Variants in HPSE2 observed in about 807,000 individuals in gnomAD.
HPSE2 encodes the protein inactive heparanase-2.
A neutral mutation model predicts 60.5 loss-of-function variants in HPSE2; 38 were observed. The observed-to-expected ratio is 0.63, with a 90% CI of 0.48 to 0.82. The LOEUF (loss-of-function observed/expected upper bound fraction) is 0.82. Ranked by LOEUF, HPSE2 falls within the 40% of genes least tolerant of loss-of-function variation. HPSE2 has a pLI of 0.00. For synonymous variants in HPSE2, 295 were observed against 293.2 expected, an observed-to-expected ratio of 1.01 and a Z score of -0.06; for missense variants, 713 against 740.4, an observed-to-expected ratio of 0.96 and a Z score of 0.43.
chr10:99,210,987 T>A (rs988643128), intron 2 of HPSE2, among the ~76,000 whole-genome samples: 3 of 152,086 alleles, frequency 2.0e-5, no homozygotes, highest in Non-Finnish European at 4.4e-5. Context: ...TATCCCTCTT[T>A]CCAGACATAA....
chr10:99,108,000 T>C (rs1423925263), intron 3 of HPSE2, among the ~76,000 whole-genome samples: 2 of 152,196 alleles, frequency 1.3e-5, no homozygotes, highest in Non-Finnish European at 2.9e-5. Flanking sequence ...GCTTTTTCAA[T>C]TAGGATATAA....
At chr10:99,037,250 C>G (rs1393742232) in intron 3 of HPSE2, among the ~76,000 whole-genome samples, 2 of 152,044 alleles carry the variant, frequency 1.3e-5, no homozygotes, top group South Asian at 2.1e-4. Context: ...ATGTGGTATC[C>G]TGTATTAGAT....
At chr10:98,769,156 C>T (rs1007645573) in intron 3 of HPSE2, among the ~76,000 whole-genome samples, 24 of 152,070 alleles carry the variant, frequency 1.6e-4, no homozygotes, top group East Asian at 3.9e-4. Context: ...ATAAAGTATA[C>T]GCAAATTGAA....
intron 3 of HPSE2, among the ~76,000 whole-genome samples, chr10:98,778,301 C>G (rs1444662983): frequency 8.3e-4 from 27 of 32,604 alleles, no homozygotes; most frequent in Admixed American, 5.8e-3. Context: ...AGAGAGAAAG[C>G]AAGAAAGACC....
intron 9 of HPSE2, among the ~76,000 whole-genome samples, chr10:98,544,613 T>C (rs1943595120): frequency 7.0e-6 from 1 of 143,500 alleles, no homozygotes; most frequent in African/African-American, 2.6e-5. Context: ...CGCGGGAGGC[T>C]GAGGCAGGAG....
intron 2 of HPSE2, among the ~76,000 whole-genome samples, chr10:99,146,180 T>C (rs1846045641): frequency 6.6e-6 from 1 of 152,246 alleles, no homozygotes. Context: ...TAAATTACGT[T>C]CTATAAAATT....
At chr10:98,581,393 G>A (rs532840409) in intron 9 of HPSE2, among the ~76,000 whole-genome samples, 1 of 152,010 alleles carries the variant, frequency 6.6e-6, no homozygotes, top group Non-Finnish European at 1.5e-5. Flanking sequence ...AACTTAGTGT[G>A]GGCTTTAGAG....
intron 7 of HPSE2, among the ~76,000 whole-genome samples, chr10:98,629,296 CA>C (rs1565030226): frequency 6.6e-6 from 1 of 152,206 alleles, no homozygotes. Context: ...TCACGAAGAA[CA>C]GTAGCTCTTT....
chr10:98,614,026 A>G (rs1400440106), intron 9 of HPSE2, among the ~76,000 whole-genome samples: 3 of 152,030 alleles, frequency 2.0e-5, no homozygotes, highest in Non-Finnish European at 2.9e-5. Context: ...TCTTTCCTAG[A>G]TAAGTTGACG....
intron 3 of HPSE2, among the ~76,000 whole-genome samples, chr10:98,927,392 C>T (rs1482237597): frequency 2.6e-5 from 4 of 151,478 alleles, no homozygotes; most frequent in African/African-American, 9.7e-5. Flanking sequence ...GAATCAATAT[C>T]GTGAAAATGG....
At chr10:98,798,164 A>T (rs1170120570) in intron 3 of HPSE2, among the ~76,000 whole-genome samples, 1 of 152,098 alleles carries the variant, frequency 6.6e-6, no homozygotes, top group African/African-American at 2.4e-5. Context: ...GGAGAAGAGG[A>T]GCATGACATA....
chr10:98,798,514 A>G (rs1344084701), intron 3 of HPSE2, among the ~76,000 whole-genome samples: 3 of 152,242 alleles, frequency 2.0e-5, no homozygotes, highest in Non-Finnish European at 4.4e-5. Flanking sequence ...CAATAACTAC[A>G]ACAAATTTTC....
At chr10:98,852,114 TGTGTGTG>T (rs1952190254) in intron 3 of HPSE2, among the ~76,000 whole-genome samples, 2 of 46,602 alleles carry the variant, frequency 4.3e-5, no homozygotes, top group Non-Finnish European at 8.7e-5. Context: ...TATATTATGA[TGTGTGTG>T]TGTGTGTGTG....
At chr10:98,527,898 T>A in intron 9 of HPSE2, among the ~76,000 whole-genome samples, 1 of 152,122 alleles carries the variant, frequency 6.6e-6, no homozygotes, top group East Asian at 1.9e-4. Context: ...AGGGGGGATA[T>A]CTACAGCCAC....
chr10:98,661,780 C>T (rs1947230691), intron 6 of HPSE2, among the ~76,000 whole-genome samples: 1 of 152,132 alleles, frequency 6.6e-6, no homozygotes, highest in African/African-American at 2.4e-5. Context: ...AATAAATGAC[C>T]TTGTGCAATG....
chr10:99,266,012 T>C, the HPSE2 span, among the ~76,000 whole-genome samples: 3 of 152,182 alleles, frequency 2.0e-5, no homozygotes, highest in Non-Finnish European at 4.4e-5. Context: ...ATTTCTGACT[T>C]TGTCTCACAG....
At chr10:99,151,926 AGC>A (rs1383504772) in intron 2 of HPSE2, among the ~76,000 whole-genome samples, 1 of 152,072 alleles carries the variant, frequency 6.6e-6, no homozygotes, top group East Asian at 1.9e-4. Flanking sequence ...ATAAATAAAT[AGC>A]GCTAAAAGAA....
intron 9 of HPSE2, among the ~76,000 whole-genome samples, chr10:98,547,569 A>G (rs1434525291): frequency 2.8e-5 from 4 of 142,186 alleles, no homozygotes; most frequent in Admixed American, 7.3e-5. Context: ...AAAACCAAAC[A>G]CCGCATGTTC....
At chr10:98,528,955 CTG>C (rs1192332618) in intron 9 of HPSE2, among the ~76,000 whole-genome samples, 3 of 152,252 alleles carry the variant, frequency 2.0e-5, no homozygotes, top group Non-Finnish European at 4.4e-5. Context: ...TGGGAAGACA[CTG>C]TGAAAAATCA....
Sources: gnomAD v4.1 joint callset for allele counts (sites outside exome capture counted in the v4.1 genomes callset) on GRCh38, gnomAD v4.1.1 for gene constraint, MANE v1.5 for transcripts, NCBI Gene and HGNC (gene_info 2026-07-23, HGNC 2026-07-21) for gene names.